RASA3: variants seen among roughly 807,000 people sequenced by gnomAD.
RASA3 encodes the protein ras GTPase-activating protein 3.
A neutral mutation model predicts 110.0 loss-of-function variants in RASA3; 73 were observed. The ratio of observed to expected loss-of-function variants is 0.66; its 90% CI spans 0.55 to 0.81. RASA3 has a LOEUF of 0.81. Ranked by LOEUF, RASA3 falls within the 30% of genes least tolerant of loss-of-function variation. RASA3 has a pLI of 0.00. For missense variants in RASA3, 976 were observed against 1,113.2 expected (o/e 0.88, Z 1.75); for synonymous variants, 500 against 451.4 (o/e 1.11, Z -1.37).
At chr13:114,089,175 T>C in intron 1 of RASA3, among the ~76,000 whole-genome samples, 1 of 151,598 alleles carries the variant, frequency 6.6e-6, no homozygotes. Flanking sequence ...TTTCTAATAG[T>C]TCTCATTAGA....
chr13:114,035,458 G>T (rs948673225), intron 4 of RASA3, among the ~76,000 whole-genome samples: 2 of 152,230 alleles, frequency 1.3e-5, no homozygotes, highest in Non-Finnish European at 2.9e-5. Flanking sequence ...GGGGTGTATG[G>T]AAACTCTGTA....
rs113941240 is a variant in RASA3 at position 114,061,689 on chromosome 13, A to AG, written c.174-9535_174-9534insC. On this transcript the variant is annotated intron_variant, in intron 2 of 23. Transcript: ENST00000334062. ...AAGACTCTGTCTCAAAAAAAAAAAA[A>AG]AAAGAAAAAGAAAGAAAGAAATACG... is the stretch of plus-strand genomic sequence containing the variant. Among the ~76,000 whole-genome samples, 6 of 151,944 alleles carry AG rather than the reference A, an allele frequency of 3.9e-5. 1 individual carries two copies. Among genetic ancestry groups the AG allele is most frequent in the African/African-American group, 1.4e-4 (6 of 41,382 alleles).
intron 1 of RASA3, among the ~76,000 whole-genome samples, chr13:114,080,459 T>A (rs770264387): frequency 1.3e-5 from 2 of 152,080 alleles, no homozygotes; most frequent in Non-Finnish European, 1.5e-5. Flanking sequence ...TCCAGCTCCC[T>A]CCAGTCTCCA....
intron 8 of RASA3, 77 bp downstream of exon 8, chr13:114,024,202 T>A (rs1450867530): frequency 7.6e-7 from 1 of 1,320,810 alleles, no homozygotes; most frequent in Non-Finnish European, 1.1e-6. Context: ...ACCCTATATT[T>A]AGTAACAAAG....
rs1424747233 is a variant in RASA3 at position 114,052,034 on chromosome 13, T to C, written c.277+18A>G. The C allele has an allele frequency of 1.9e-6, 3 of 1,544,400 alleles. No individual in the cohort carries two copies. In the African/African-American group the frequency reaches 4.1e-5, roughly 21 times the overall value. On this transcript the variant is annotated intron_variant, in intron 3 of 23. Coordinates refer to ENST00000334062, the MANE Select transcript of RASA3 (RefSeq NM_007368.4). ...GAACAGGCAGAAAAGGGGAAGTAAATGCTCATTCATCACCTACCTATGATG... is the reference window on the plus strand; with the variant it reads ...GAACAGGCAGAAAAGGGGAAGTAAACGCTCATTCATCACCTACCTATGATG...
chr13:114,052,669 C>T (rs973538859), intron 2 of RASA3, among the ~76,000 whole-genome samples: 1 of 151,798 alleles, frequency 6.6e-6, no homozygotes. Context: ...ACTTAGAGTC[C>T]TCGCTCCTGG....
intron 3 of RASA3, among the ~76,000 whole-genome samples, chr13:114,042,444 G>C (rs894086030): frequency 6.6e-6 from 1 of 152,236 alleles, no homozygotes; most frequent in African/African-American, 2.4e-5. Context: ...AGGAAATGTT[G>C]GCAGACTCCT....
At chr13:114,066,365 G>A (rs1176264329) in intron 2 of RASA3, among the ~76,000 whole-genome samples, 1 of 152,226 alleles carries the variant, frequency 6.6e-6, no homozygotes, top group Non-Finnish European at 1.5e-5. Flanking sequence ...TCTCCAGGGA[G>A]GTGCCAGGGG....
At chr13:114,030,487 AAGACTCACACAGAGG>A (rs2054137422) in intron 4 of RASA3, among the ~76,000 whole-genome samples, 1 of 103,636 alleles carries the variant, frequency 9.6e-6, no homozygotes, top group African/African-American at 3.3e-5. Context: ...CACAGAGGGC[AAGACTCACACAGAGG>A]GCAAGACTCA....
intron 1 of RASA3, among the ~76,000 whole-genome samples, chr13:114,093,146 A>C (rs2079906597): frequency 6.6e-6 from 1 of 152,258 alleles, no homozygotes; most frequent in Non-Finnish European, 1.5e-5. Flanking sequence ...AAAAGATAGA[A>C]GTGGTTTACA....
At chr13:113,996,421 T>A in intron 21 of RASA3, 110 bp downstream of exon 21, 1 of 1,139,982 alleles carries the variant, frequency 8.8e-7, no homozygotes. Context: ...CAGCCCTGTT[T>A]ATGTGCAGCT....
chr13:114,081,365 C>T (rs770036639), intron 1 of RASA3, among the ~76,000 whole-genome samples: 17 of 152,212 alleles, frequency 1.1e-4, no homozygotes, highest in Non-Finnish European at 2.4e-4. Flanking sequence ...TCTCCCGATG[C>T]AGTATAACTC....
intron 7 of RASA3, among the ~76,000 whole-genome samples, chr13:114,024,625 C>T (rs2053993540): frequency 6.6e-6 from 1 of 152,266 alleles, no homozygotes; most frequent in African/African-American, 2.4e-5. Flanking sequence ...CCAGTGGCTC[C>T]TGATGGGTGC....
chr13:114,010,909 A>G (rs1467061438), intron 16 of RASA3, among the ~76,000 whole-genome samples: 3 of 136,322 alleles, frequency 2.2e-5, no homozygotes, highest in African/African-American at 8.3e-5. Context: ...CACACCTGAC[A>G]GGTCAGATGC....
chr13:114,017,919 G>A (rs1377615494), intron 11 of RASA3, among the ~76,000 whole-genome samples, 185 bp downstream of exon 11: 9 of 148,838 alleles, frequency 6.0e-5, no homozygotes, highest in African/African-American at 7.4e-5. Flanking sequence ...AGGCAAATGG[G>A]ACTTTCAAAA....
chr13:113,982,689 T>C (rs991452313), intron 22 of RASA3, among the ~76,000 whole-genome samples: 29 of 152,314 alleles, frequency 1.9e-4, no homozygotes, highest in Non-Finnish European at 3.8e-4. Flanking sequence ...TGCCCCCAAA[T>C]CTGTGGGTTG....
chr13:114,051,916 C>T (rs918588680), intron 3 of RASA3, 136 bp downstream of exon 3: 3 of 622,324 alleles, frequency 4.8e-6, no homozygotes, highest in African/African-American at 3.7e-5. Context: ...TCAGGAGGAA[C>T]ACCCAGGGCT....
chr13:114,004,874 T>C (rs940405449), intron 18 of RASA3, among the ~76,000 whole-genome samples: 2 of 152,040 alleles, frequency 1.3e-5, no homozygotes, highest in Admixed American at 6.6e-5. Context: ...AATCCACGTG[T>C]CCACCAACGG....
Position 114,000,929 on chromosome 13 carries a change from G to A in RASA3, c.1746C>T (p.Phe582=), listed in dbSNP as rs769757930. 18 of 1,609,272 alleles carry A rather than the reference G, an allele frequency of 1.1e-5. No homozygotes were observed. Among genetic ancestry groups the A allele is most frequent in the Non-Finnish European group, 1.4e-5 (17 of 1,175,826 alleles). The change falls in exon 19 of 24, where the codon TTC becomes TTT. Residue 582 remains phenylalanine, a synonymous_variant. Transcript: ENST00000334062. ...VEQPIVLKEG[F]MIKRAQGRKR... Reference sequence around the variant, plus strand: ...TCCGTCCTTGGGCCCTCTTGATCATGAACCTGTGTGAAGAGCACACAGGGC... The same window carrying A: ...TCCGTCCTTGGGCCCTCTTGATCATAAACCTGTGTGAAGAGCACACAGGGC...
Sources: allele counts gnomAD v4.1 joint callset (sites outside exome capture counted in the v4.1 genomes callset), GRCh38; gene constraint gnomAD v4.1.1; transcripts MANE v1.5; gene names NCBI Gene and HGNC (gene_info 2026-07-23, HGNC 2026-07-21).